Variants in GASK1B observed in about 807,000 individuals in gnomAD.
GASK1B encodes Golgi-associated kinase 1B.
GASK1B carries 34 observed loss-of-function variants against 42.8 expected under a neutral mutation model. That is an observed-to-expected ratio of 0.79 (90% confidence interval 0.60 to 1.06). GASK1B has a LOEUF of 1.06. GASK1B is among the 50% of genes least tolerant of loss of function. The pLI is 0.00. For missense variants in GASK1B, 686 were observed against 661.0 expected (o/e 1.04, Z -0.42); for synonymous variants, 262 against 259.1 (o/e 1.01, Z -0.11).
intron 3 of GASK1B, among the ~76,000 whole-genome samples, chr4:158,144,014 C>G (rs1389044290): frequency 6.6e-6 from 1 of 152,132 alleles, no homozygotes; most frequent in East Asian, 1.9e-4. Context: ...ACTTTTTTGT[C>G]ATGTTTTACC....
chr4:158,159,569 A>C, intron 2 of GASK1B: 1 of 441,868 alleles, frequency 2.3e-6, no homozygotes, highest in Non-Finnish European at 4.5e-6. Flanking sequence ...CAGGTTTGTC[A>C]AAATGATGCA....
rs760524041 is a variant in GASK1B at position 158,171,345 on chromosome 4, T to A, written c.31A>T (p.Ile11Leu). Residue 11 changes from isoleucine (I) to leucine (L), a missense_variant, in exon 2 of 5, where the codon ATA becomes TTA. Ile to Leu is a conservative substitution (Grantham distance 5). Coordinates refer to ENST00000585682, the MANE Select transcript of GASK1B (RefSeq NM_001128424.2). The stretch of plus-strand genomic sequence containing the variant: ...CACAGGGAGCAGATGAACCAGTTTA[T>A]GAGCTGCCCCGGCTTGTCTGGACAG... Reference protein sequence around the residue: MTCPDKPGQLINWFICSLCVP... With the variant: MTCPDKPGQLLNWFICSLCVP... 4 of 1,603,472 alleles carry A rather than the reference T, an allele frequency of 2.5e-6. No individual in the cohort carries two copies. The highest frequency in any genetic ancestry group is 8.5e-7 in the Non-Finnish European group (1 of 1,173,384).
chr4:158,141,154 T>C (rs746378615), intron 3 of GASK1B, among the ~76,000 whole-genome samples: 12 of 152,080 alleles, frequency 7.9e-5, no homozygotes, highest in Admixed American at 1.3e-4. Flanking sequence ...GAGTGCTAGA[T>C]AGTAGGTGGA....
chr4:158,163,576 A>G (rs1301437746), intron 2 of GASK1B, among the ~76,000 whole-genome samples: 1 of 152,164 alleles, frequency 6.6e-6, no homozygotes, highest in East Asian at 1.9e-4. Context: ...CTCAGAAAAA[A>G]AAAAAAAAAG....
chr4:158,161,271 T>C (rs974395734), intron 2 of GASK1B, among the ~76,000 whole-genome samples: 23 of 152,080 alleles, frequency 1.5e-4, no homozygotes, highest in African/African-American at 5.1e-4. Flanking sequence ...CCCATAAACA[T>C]ATACAAATAT....
chr4:158,170,094 A>T, intron 2 of GASK1B: 1 of 741,840 alleles, frequency 1.3e-6, no homozygotes, highest in Non-Finnish European at 2.2e-6. Flanking sequence ...TAACCTATTT[A>T]ATAGTATGCC....
chr4:158,157,274 G>T (rs1731792387), intron 2 of GASK1B, among the ~76,000 whole-genome samples: 1 of 152,068 alleles, frequency 6.6e-6, no homozygotes, highest in Admixed American at 6.6e-5. Context: ...ACTAAGAGAA[G>T]AGTAGAGAAA....
rs999379372 is a variant in GASK1B at position 158,127,137 on chromosome 4, A to C, written c.*270T>G. 7.5e-6 allele frequency: 2 copies of C among 265,380 alleles called. No homozygotes were observed. The highest frequency in any genetic ancestry group is 4.5e-5 in the African/African-American group (2 of 44,930). 16.4% of individuals were successfully genotyped at this position (265,380 alleles called of 1,614,324 possible). ...AAACTTAGCTAGAATAATAACTGAA[A>C]TTTCTGTTGTCAGATGTTCAGACTG... On this transcript the variant is annotated 3_prime_UTR_variant, in exon 5 of 5. Coordinates refer to ENST00000585682, the MANE Select transcript of GASK1B (RefSeq NM_001128424.2).
intron 2 of GASK1B, chr4:158,159,414 T>C (rs1010632123): frequency 2.8e-6 from 1 of 360,848 alleles, no homozygotes. Context: ...TTCCACCTCT[T>C]TTAATATAAG....
chr4:158,127,244 A>G lies in GASK1B; in HGVS notation c.*163T>C, dbSNP rs976262418. 7 of 568,432 alleles carry G rather than the reference A, an allele frequency of 1.2e-5. No homozygotes were observed. Among genetic ancestry groups the G allele is most frequent in the African/African-American group, 3.8e-5 (2 of 52,768 alleles). 35.2% of individuals were successfully genotyped at this position (568,432 alleles called of 1,614,324 possible). ...TTTCAAAACCTTTTTAAGTATGCATACAGTGCTAAGTCCCATTATAGCTAC... is the reference window on the plus strand; with the variant it reads ...TTTCAAAACCTTTTTAAGTATGCATGCAGTGCTAAGTCCCATTATAGCTAC... On this transcript the variant is annotated 3_prime_UTR_variant, in exon 5 of 5. Coordinates refer to ENST00000585682, the MANE Select transcript of GASK1B (RefSeq NM_001128424.2).
chr4:158,138,274 T>C (rs1056971169), intron 3 of GASK1B, among the ~76,000 whole-genome samples: 11 of 152,130 alleles, frequency 7.2e-5, no homozygotes, highest in African/African-American at 2.7e-4. Context: ...GTTCTATAAT[T>C]TGCACAAGCA....
Position 158,171,172 on chromosome 4 carries a change from C to G in GASK1B, c.204G>C (p.Lys68Asn), listed in dbSNP as rs1380706657. The change falls in exon 2 of 5, where the codon AAG (lysine) becomes AAC (asparagine). Residue 68 changes from lysine (K) to asparagine (N), a missense_variant. Coordinates refer to ENST00000585682, the MANE Select transcript of GASK1B (RefSeq NM_001128424.2). ...CGGTGTCGCGGCTGCGATGTGGCCC[C>G]TTCTCAGCCGCCTGTCCATGCTGGA... Reference protein sequence around the residue: ...ASLQHGQAAEKGPHRSRDTAE... With the variant: ...ASLQHGQAAENGPHRSRDTAE... 17 of 1,611,892 alleles carry G rather than the reference C, an allele frequency of 1.1e-5. No individual in the cohort carries two copies. The highest frequency in any genetic ancestry group is 1.4e-5 in the Non-Finnish European group (17 of 1,178,676).
intron 2 of GASK1B, among the ~76,000 whole-genome samples, chr4:158,159,229 G>A (rs1369875269): frequency 6.6e-6 from 1 of 152,074 alleles, no homozygotes; most frequent in Non-Finnish European, 1.5e-5. Flanking sequence ...GGGATTTCCA[G>A]AGAACAAGAA....
intron 3 of GASK1B, among the ~76,000 whole-genome samples, chr4:158,136,494 C>G (rs1730898198): frequency 6.6e-6 from 1 of 152,124 alleles, no homozygotes; most frequent in Non-Finnish European, 1.5e-5. Flanking sequence ...AAAAGAATGA[C>G]AACTAAAGGA....
chr4:158,138,400 T>G (rs1235951507), intron 3 of GASK1B, among the ~76,000 whole-genome samples: 2 of 152,192 alleles, frequency 1.3e-5, no homozygotes, highest in Non-Finnish European at 2.9e-5. Context: ...ATTTATAGAA[T>G]GAATTGCTAT....
At chr4:158,158,333 AC>A (rs1176557378) in intron 2 of GASK1B, among the ~76,000 whole-genome samples, 2 of 152,108 alleles carry the variant, frequency 1.3e-5, no homozygotes, top group Non-Finnish European at 2.9e-5. Flanking sequence ...TCAGGCTTCA[AC>A]TGACCTTTAC....
chr4:158,133,357 T>C (rs1229866263), intron 3 of GASK1B, among the ~76,000 whole-genome samples: 1 of 152,226 alleles, frequency 6.6e-6, no homozygotes, highest in Non-Finnish European at 1.5e-5. Context: ...ATTGGACATA[T>C]GTGTTTTGAA....
chr4:158,134,272 C>T (rs898024732), intron 3 of GASK1B, among the ~76,000 whole-genome samples: 1 of 152,118 alleles, frequency 6.6e-6, no homozygotes, highest in Non-Finnish European at 1.5e-5. Context: ...ATTTTTAAAG[C>T]CTAATAAAGC....
At chr4:158,141,922 T>TACAGCACCAAATACCA (rs1731145123) in intron 3 of GASK1B, among the ~76,000 whole-genome samples, 3 of 2,160 alleles carry the variant, frequency 1.4e-3, no homozygotes, top group Non-Finnish European at 3.7e-3. Context: ...TGTGGTTTCT[T>TACAGCACCAAATACCA]TTTTTTTTTT....
Sources: gnomAD v4.1 joint callset for allele counts (sites outside exome capture counted in the v4.1 genomes callset) on GRCh38, gnomAD v4.1.1 for gene constraint, MANE v1.5 for transcripts, NCBI Gene and HGNC (gene_info 2026-07-23, HGNC 2026-07-21) for gene names.